ZBTB20: variants seen among roughly 807,000 people sequenced by gnomAD.
The protein encoded by ZBTB20 is zinc finger and BTB domain containing 20.
In ZBTB20, 9 loss-of-function variants were observed where a neutral mutation model predicts 56.9. The observed-to-expected ratio is 0.16, with a 90% CI of 0.10 to 0.28. The LOEUF (loss-of-function observed/expected upper bound fraction) is 0.28, where lower values mean the gene tolerates loss of function less well. Among genes scored for constraint, ZBTB20 ranks in the 10% least tolerant of loss-of-function variants. The pLI is 1.00. For missense variants in ZBTB20, 655 were observed against 1,003.0 expected (o/e 0.65, Z 4.69); for synonymous variants, 417 against 420.7 (o/e 0.99, Z 0.11).
intron 3 of ZBTB20, among the ~76,000 whole-genome samples, chr3:114,967,265 CA>C (rs1442008495): frequency 1.1e-4 from 16 of 152,022 alleles, no homozygotes; most frequent in Non-Finnish European, 1.5e-5. Context: ...TAAATAGCAG[CA>C]GAAAACGTTA....
chr3:115,026,546 A>G (rs950907114), intron 2 of ZBTB20, among the ~76,000 whole-genome samples: 1 of 150,842 alleles, frequency 6.6e-6, no homozygotes, highest in African/African-American at 2.4e-5. Context: ...ACCCACTATC[A>G]TTAGCCTTCT....
At chr3:114,388,338 T>G (rs2085405695) in intron 8 of ZBTB20, 1 of 152,354 alleles carries the variant, frequency 6.6e-6, no homozygotes, top group Admixed American at 6.5e-5. Flanking sequence ...TTCATCAGTA[T>G]TTTCCCATAG....
At chr3:114,872,683 C>T (rs1174154981) in intron 4 of ZBTB20, among the ~76,000 whole-genome samples, 1 of 151,650 alleles carries the variant, frequency 6.6e-6, no homozygotes, top group African/African-American at 2.4e-5. Flanking sequence ...ATTAAATACT[C>T]ATACTCACTG....
chr3:114,985,199 C>T (rs775824059), intron 2 of ZBTB20, among the ~76,000 whole-genome samples: 7 of 152,090 alleles, frequency 4.6e-5, no homozygotes, highest in African/African-American at 9.7e-5. Context: ...AAATCACTTG[C>T]CCCTAGGTGT....
At chr3:114,700,474 T>C (rs2063325580) in intron 5 of ZBTB20, among the ~76,000 whole-genome samples, 1 of 152,064 alleles carries the variant, frequency 6.6e-6, no homozygotes, top group Admixed American at 6.6e-5. Flanking sequence ...ATATGAAAAC[T>C]TGGGGGCTAG....
chr3:114,648,646 G>A (rs2107978641), intron 6 of ZBTB20, among the ~76,000 whole-genome samples: 1 of 152,048 alleles, frequency 6.6e-6, no homozygotes, highest in Middle Eastern at 3.4e-3. Context: ...AAGAATAAGA[G>A]TATAACAGAG....
intron 6 of ZBTB20, among the ~76,000 whole-genome samples, chr3:114,665,380 A>G (rs1048397790): frequency 7.2e-5 from 11 of 152,104 alleles, no homozygotes; most frequent in African/African-American, 2.6e-4. Flanking sequence ...GGTTTGTTTA[A>G]GTACACTCTA....
chr3:114,426,721 C>G (rs184213650), intron 7 of ZBTB20, among the ~76,000 whole-genome samples: 1 of 152,260 alleles, frequency 6.6e-6, no homozygotes, highest in East Asian at 1.9e-4. Context: ...TCACTTATGC[C>G]AGAGAGATTT....
At chr3:114,605,197 G>A (rs891778015) in intron 6 of ZBTB20, among the ~76,000 whole-genome samples, 2 of 151,876 alleles carry the variant, frequency 1.3e-5, no homozygotes, top group Admixed American at 6.6e-5. Flanking sequence ...TAATTTTTTT[G>A]TAAAATAAGC....
chr3:114,422,467 A>G (rs751233030), intron 7 of ZBTB20, among the ~76,000 whole-genome samples: 1 of 152,150 alleles, frequency 6.6e-6, no homozygotes, highest in Non-Finnish European at 1.5e-5. Flanking sequence ...ATTTTCCCTC[A>G]ATTCAGCTGA....
chr3:114,726,248 T>C (rs1313623224), intron 5 of ZBTB20, among the ~76,000 whole-genome samples: 1 of 152,088 alleles, frequency 6.6e-6, no homozygotes. Context: ...TGTTTTGATA[T>C]GAATCGCAGG....
chr3:114,704,144 C>G (rs944451778), intron 5 of ZBTB20, among the ~76,000 whole-genome samples: 1 of 152,140 alleles, frequency 6.6e-6, no homozygotes, highest in African/African-American at 2.4e-5. Flanking sequence ...TTACCTCACA[C>G]TGAGCCTTCT....
At chr3:115,018,815 C>T (rs1440254598) in intron 2 of ZBTB20, among the ~76,000 whole-genome samples, 4 of 151,392 alleles carry the variant, frequency 2.6e-5, no homozygotes, top group African/African-American at 7.3e-5. Context: ...TAATAGCTTG[C>T]TGGCTTGAAC....
In ZBTB20 at chr3:114,949,420, A is replaced by C. The variant is rs997042130; in HGVS notation, c.-456+24946T>G. 3.4e-5 allele frequency among the ~76,000 whole-genome samples: 5 copies of C among 146,340 alleles called. No individual in the cohort carries two copies. In the East Asian group the frequency reaches 9.6e-4, roughly 28 times the overall value. ...AACAGGATAGAAAATACTAACACTA[A>C]AAGAAGAAATTGATCATTGAAGTGC... On this transcript the variant is annotated intron_variant, in intron 3 of 11. Transcript: ENST00000675478.
At chr3:114,616,596 G>A (rs2057962140) in intron 6 of ZBTB20, among the ~76,000 whole-genome samples, 3 of 152,042 alleles carry the variant, frequency 2.0e-5, no homozygotes. Context: ...TGTATATAAA[G>A]GACCTTCTCC....
rs565594112 is a variant in ZBTB20 at position 114,927,851 on chromosome 3, A to C, written c.-455-27509T>G. Reference sequence around the variant, plus strand: ...ATAGGACATGGTAACTTCAAACAGCAAGGAAAAAACTCTTATTTAAAACTC... The same window carrying C: ...ATAGGACATGGTAACTTCAAACAGCCAGGAAAAAACTCTTATTTAAAACTC... On this transcript the variant is annotated intron_variant, in intron 3 of 11. Coordinates refer to ENST00000675478, the MANE Select transcript of ZBTB20 (RefSeq NM_001348800.3). Among the ~76,000 whole-genome samples, 5 of 152,332 alleles carry C rather than the reference A, an allele frequency of 3.3e-5. 1 individual carries two copies. The highest frequency in any genetic ancestry group is 1.2e-4 in the African/African-American group (5 of 41,570).
At chr3:114,909,617 A>G (rs1447071522) in intron 3 of ZBTB20, among the ~76,000 whole-genome samples, 1 of 151,998 alleles carries the variant, frequency 6.6e-6, no homozygotes, top group African/African-American at 2.4e-5. Context: ...TATTAATTAT[A>G]ACTTATAAGC....
intron 6 of ZBTB20, among the ~76,000 whole-genome samples, chr3:114,615,609 T>C (rs1161734090): frequency 6.6e-6 from 1 of 152,220 alleles, no homozygotes; most frequent in African/African-American, 2.4e-5. Flanking sequence ...TGGGGAGTTC[T>C]GGCCCCTTTT....
chr3:114,548,415 G>T (rs940087504), intron 6 of ZBTB20, among the ~76,000 whole-genome samples: 1 of 152,044 alleles, frequency 6.6e-6, no homozygotes, highest in Non-Finnish European at 1.5e-5. Flanking sequence ...AGACCTAAGA[G>T]ATCTATTAGT....
Sources: allele counts gnomAD v4.1 joint callset (sites outside exome capture counted in the v4.1 genomes callset), GRCh38; gene constraint gnomAD v4.1.1; transcripts MANE v1.5; gene names NCBI Gene and HGNC (gene_info 2026-07-23, HGNC 2026-07-21).